BBOX1: variants seen among roughly 807,000 people sequenced by gnomAD.
The protein encoded by BBOX1 is gamma-butyrobetaine hydroxylase 1, also known as gamma-butyrobetaine dioxygenase.
Under a neutral mutation model 41.6 loss-of-function variants are expected in BBOX1, and 35 were observed. The ratio of observed to expected loss-of-function variants is 0.84; its 90% CI spans 0.64 to 1.11. The LOEUF is 1.11. Among genes scored for constraint, BBOX1 ranks in the 50% most tolerant of loss-of-function variants. BBOX1 has a pLI of 0.00. For missense variants in BBOX1, 458 were observed against 460.6 expected (o/e 0.99, Z 0.05); for synonymous variants, 163 against 154.7 (o/e 1.05, Z -0.40).
At chr11:27,119,617 T>G in intron 6 of BBOX1, 32 bp from the exon 7 acceptor site, 1 of 1,168,000 alleles carries the variant, frequency 8.6e-7, no homozygotes, top group East Asian at 3.2e-5. Flanking sequence ...TAATTTAATA[T>G]TTATTTAATA....
chr11:27,075,220 G>T (rs907072457), intron 4 of BBOX1, among the ~76,000 whole-genome samples: 1 of 152,096 alleles, frequency 6.6e-6, no homozygotes, highest in Non-Finnish European at 1.5e-5. Context: ...GCTTTCAGGG[G>T]TGAAGACTCT....
At chr11:27,050,483 C>T (rs1342833195) in intron 2 of BBOX1, among the ~76,000 whole-genome samples, 1 of 152,116 alleles carries the variant, frequency 6.6e-6, no homozygotes, top group Non-Finnish European at 1.5e-5. Flanking sequence ...AATCCAAGAA[C>T]ACAGAGTATT....
At chr11:27,111,961 A>T (rs759086920) in intron 5 of BBOX1, among the ~76,000 whole-genome samples, 16 of 151,964 alleles carry the variant, frequency 1.1e-4, no homozygotes, top group Admixed American at 2.0e-4. Context: ...ATGTACAAAC[A>T]TCAAAAAAGA....
At chr11:27,126,891 G>T (rs753332971) in intron 8 of BBOX1, among the ~76,000 whole-genome samples, 4 of 152,020 alleles carry the variant, frequency 2.6e-5, no homozygotes, top group Non-Finnish European at 4.4e-5. Flanking sequence ...AGCCAGGATG[G>T]TCTAGATCTG....
At chr11:27,042,192 A>G (rs1408627867) in intron 2 of BBOX1, among the ~76,000 whole-genome samples, 2 of 152,210 alleles carry the variant, frequency 1.3e-5, no homozygotes, top group Non-Finnish European at 2.9e-5. Flanking sequence ...TGATAATTTG[A>G]TTTCCAATCT....
chr11:27,055,645 A>G lies in BBOX1; in HGVS notation c.215A>G (p.Lys72Arg), dbSNP rs1435829023. The stretch of plus-strand genomic sequence containing the variant: ...ATTAAAGGCTTGATATTTGACAGAA[A>G]AAAGGTAATTATCTCTAAATTATGT... ...IGIKGLIFDR[K>R]KVYITWPDEH... is the part of the protein sequence containing the mutation. The change falls in exon 3 of 9, where the codon AAA becomes AGA. Residue 72 changes from lysine to arginine, a missense_variant. By Grantham distance (26) the Lys-to-Arg change is conservative. Transcript: ENST00000263182. 1.2e-6 allele frequency: 2 copies of G among 1,610,130 alleles called. No homozygotes were observed. The highest frequency in any genetic ancestry group is 1.1e-5 in the South Asian group (1 of 90,904).
chr11:27,076,970 T>G (rs571827672), intron 4 of BBOX1, among the ~76,000 whole-genome samples: 2 of 152,062 alleles, frequency 1.3e-5, no homozygotes, highest in South Asian at 2.1e-4. Flanking sequence ...TGTTCAGAAC[T>G]CCCCAGAAGA....
intron 2 of BBOX1, among the ~76,000 whole-genome samples, chr11:27,045,335 A>T (rs1406717297): frequency 1.3e-5 from 2 of 152,170 alleles, no homozygotes; most frequent in Non-Finnish European, 2.9e-5. Context: ...TGGGCTGAGA[A>T]GATGGGGTTT....
intron 6 of BBOX1, among the ~76,000 whole-genome samples, chr11:27,116,317 G>GTT (rs1296152039): frequency 6.6e-6 from 1 of 151,612 alleles, no homozygotes; most frequent in South Asian, 2.1e-4. Flanking sequence ...ACTGGGGCCT[G>GTT]TTGGGGGGGT....
At chr11:27,075,527 T>C (rs1857604346) in intron 4 of BBOX1, among the ~76,000 whole-genome samples, 1 of 151,996 alleles carries the variant, frequency 6.6e-6, no homozygotes. Context: ...CTCAGTGAAA[T>C]GCACTGAGAT....
chr11:27,057,676 A>G (rs577655737), intron 4 of BBOX1, among the ~76,000 whole-genome samples: 41 of 152,306 alleles, frequency 2.7e-4, no homozygotes, highest in African/African-American at 8.9e-4. Flanking sequence ...GTCTAAGGCC[A>G]GAACAACACA....
intron 7 of BBOX1, among the ~76,000 whole-genome samples, chr11:27,123,616 A>G (rs1859544424): frequency 6.6e-6 from 1 of 152,218 alleles, no homozygotes; most frequent in Non-Finnish European, 1.5e-5. Flanking sequence ...GTTAATATCA[A>G]AAGGCAAATG....
chr11:27,055,030 T>A (rs1001167451), intron 2 of BBOX1, among the ~76,000 whole-genome samples: 1 of 152,212 alleles, frequency 6.6e-6, no homozygotes, highest in Non-Finnish European at 1.5e-5. Context: ...ACACTTTCAA[T>A]TTGTGGAACA....
intron 2 of BBOX1, chr11:27,055,092 T>G: frequency 5.0e-6 from 1 of 199,000 alleles, no homozygotes. Context: ...ATTATTAAAG[T>G]GCATATGTCA....
chr11:27,053,010 A>G (rs1856862244), intron 2 of BBOX1, among the ~76,000 whole-genome samples: 1 of 152,194 alleles, frequency 6.6e-6, no homozygotes, highest in Admixed American at 6.5e-5. Flanking sequence ...TAATTATATC[A>G]TAACTAATCT....
intron 4 of BBOX1, chr11:27,057,535 A>C (rs141032296): frequency 2.2e-6 from 1 of 462,838 alleles, no homozygotes; most frequent in Non-Finnish European, 3.8e-6. Flanking sequence ...AAGAAACAAA[A>C]TAAGTCCAGC....
intron 4 of BBOX1, among the ~76,000 whole-genome samples, chr11:27,079,400 A>G (rs1857754587): frequency 6.6e-6 from 1 of 152,182 alleles, no homozygotes; most frequent in South Asian, 2.1e-4. Flanking sequence ...AAGAATAGCT[A>G]CAGATGAAAA....
At chr11:27,099,074 G>A (rs939270138) in intron 5 of BBOX1, among the ~76,000 whole-genome samples, 2 of 151,792 alleles carry the variant, frequency 1.3e-5, no homozygotes, top group African/African-American at 4.8e-5. Context: ...ACTTCCATCT[G>A]AACAAGACAA....
At chr11:27,100,157 T>C (rs2134059495) in intron 5 of BBOX1, among the ~76,000 whole-genome samples, 1 of 152,248 alleles carries the variant, frequency 6.6e-6, no homozygotes, top group Middle Eastern at 3.4e-3. Context: ...TTACTATTTC[T>C]CGGCATCTCA....
Sources: allele counts gnomAD v4.1 joint callset (sites outside exome capture counted in the v4.1 genomes callset), GRCh38; gene constraint gnomAD v4.1.1; transcripts MANE v1.5; gene names NCBI Gene and HGNC (gene_info 2026-07-23, HGNC 2026-07-21).